Variants in APEX2 observed in about 807,000 individuals in gnomAD.
APEX2 encodes apurinic/apyrimidinic endodeoxyribonuclease 2.
A neutral mutation model predicts 16.7 loss-of-function variants in APEX2; 4 were observed. The ratio of observed to expected loss-of-function variants is 0.24; its 90% CI spans 0.12 to 0.55. APEX2 has a LOEUF of 0.55. Among genes scored for constraint, APEX2 ranks in the 20% least tolerant of loss-of-function variants. APEX2 has a pLI of 0.94. For synonymous variants in APEX2, 181 were observed against 166.9 expected, an observed-to-expected ratio of 1.08 and a Z score of -0.65; for missense variants, 357 against 433.6, an observed-to-expected ratio of 0.82 and a Z score of 1.57.
At chrX:55,005,226 G>T (rs182710774) in intron 5 of APEX2, among the ~76,000 whole-genome samples, 1 of 111,918 alleles carries the variant, frequency 8.9e-6, no homozygotes, top group Non-Finnish European at 1.9e-5. Flanking sequence ...GTCCCTCCCT[G>T]CCTCATTCCT....
intron 1 of APEX2, among the ~76,000 whole-genome samples, chrX:55,001,306 C>A (rs913053073): frequency 1.8e-5 from 2 of 110,499 alleles, no homozygotes; most frequent in African/African-American, 3.3e-5. Flanking sequence ...CCTAATTCTC[C>A]ACCTCCACTT....
rs1455493187 is a variant in APEX2, at chrX:55,008,097, CAG to C, written c.*665_*666del. On this transcript the variant is annotated 3_prime_UTR_variant, in exon 6 of 6. Transcript: ENST00000374987. Reference sequence around the variant, plus strand: ...GTTGAAAGAAACGGTCCTCAGCCCTCAGAGTTGCCAGGCAGGGCCTGGGACCA... The same window carrying C: ...GTTGAAAGAAACGGTCCTCAGCCCTCAGTTGCCAGGCAGGGCCTGGGACCA... The C allele has an allele frequency of 8.9e-6, 1 of 112,831 alleles. No homozygotes were observed. Among genetic ancestry groups the C allele is most frequent in the Admixed American group, 9.3e-5 (1 of 10,750 alleles). 9.3% of individuals were successfully genotyped at this position (112,831 alleles called of 1,213,427 possible).
intron 1 of APEX2, among the ~76,000 whole-genome samples, chrX:55,001,321 GTC>G (rs751274837): frequency 9.1e-6 from 1 of 110,170 alleles, no homozygotes; most frequent in Non-Finnish European, 1.9e-5. Context: ...CCACTTCATA[GTC>G]TCTAACCGCC....
chrX:55,001,018 A>G (rs1223373530), intron 1 of APEX2, among the ~76,000 whole-genome samples: 1 of 107,376 alleles, frequency 9.3e-6, no homozygotes, highest in Admixed American at 1.0e-4. Context: ...AGTACCCCTT[A>G]TCTATTCCCA....
chrX:55,006,413 C>A (rs1935498181), intron 5 of APEX2, 105 bp from the exon 6 acceptor site: 1 of 705,539 alleles, frequency 1.4e-6, no homozygotes, highest in African/African-American at 2.2e-5. Context: ...TTGGGACAAC[C>A]AAATTTTCTT....
intron 5 of APEX2, among the ~76,000 whole-genome samples, chrX:55,005,864 C>T: frequency 9.0e-6 from 1 of 110,965 alleles, no homozygotes; most frequent in Non-Finnish European, 1.9e-5. Context: ...AAGGAAGCCT[C>T]CTTGGTCCCC....
At position 55,007,498 on chromosome X, in the gene APEX2, C is replaced by T. The variant is rs915152114; in HGVS notation, c.*63C>T. 6 of 1,062,570 alleles carry T rather than the reference C, an allele frequency of 5.6e-6. No individual in the cohort carries two copies. The highest frequency in any genetic ancestry group is 7.4e-6 in the Non-Finnish European group (6 of 810,037). 87.6% of individuals were successfully genotyped at this position (1,062,570 alleles called of 1,213,427 possible). ...CTGCACATGATCTGAGGCCAGCTCC[C>T]CTTCCCTGAGCTGCCTCCTGCTTCT... On this transcript the variant is annotated 3_prime_UTR_variant, in exon 6 of 6. Transcript: ENST00000374987.
chrX:55,002,455 A>G (rs779561452), intron 3 of APEX2, 24 bp downstream of exon 3: 27 of 1,154,261 alleles, frequency 2.3e-5, no homozygotes, highest in Non-Finnish European at 3.1e-5. Context: ...TCTCCCTGCT[A>G]CTGAGCACTG....
At chrX:55,001,715 A>G in intron 2 of APEX2, 86 bp downstream of exon 2, 1 of 728,452 alleles carries the variant, frequency 1.4e-6, no homozygotes. Flanking sequence ...GAGGGTAATA[A>G]GAAATCTTAG....
At position 55,007,101 on chromosome X, in the gene APEX2, C is replaced by G; in HGVS notation, c.1223C>G (p.Pro408Arg). ...TCCCCTAGCTGTCCCCAAGCCTCTC[C>G]TGACATAGAGCTGCCTAGCCTACCA... Reference protein sequence around the residue: ...QPSPSCPQASPDIELPSLPLM... With the variant: ...QPSPSCPQASRDIELPSLPLM... Residue 408 changes from proline to arginine, a missense_variant, in exon 6 of 6, where the codon CCT becomes CGT. Coordinates refer to ENST00000374987, the MANE Select transcript of APEX2 (RefSeq NM_014481.4). 8.3e-7 allele frequency: 1 copy of G among 1,211,962 alleles called. No individual in the cohort carries two copies. The highest frequency in any genetic ancestry group is 1.1e-6 in the Non-Finnish European group (1 of 895,550).
At chrX:55,006,476 TTC>T in intron 5 of APEX2, 40 bp from the exon 6 acceptor site, 1 of 1,041,280 alleles carries the variant, frequency 9.6e-7, no homozygotes, top group Admixed American at 3.8e-5. Context: ...AGGTATCTAG[TTC>T]TGTCTCTCTC....
chrX:55,002,466 C>T, intron 3 of APEX2, 35 bp downstream of exon 3: 1 of 1,126,444 alleles, frequency 8.9e-7, no homozygotes, highest in African/African-American at 1.8e-5. Context: ...CTGAGCACTG[C>T]TGGTGCTACT....
Position 55,006,648 on chromosome X carries a change from C to T in APEX2, c.770C>T (p.Ala257Val). 3 of 1,162,323 alleles carry T rather than the reference C, an allele frequency of 2.6e-6. No homozygotes were observed. The highest frequency in any genetic ancestry group is 3.5e-6 in the Non-Finnish European group (3 of 869,249). The change falls in exon 6 of 6, where the codon GCC becomes GTC. Residue 257 changes from alanine (A) to valine (V), a missense_variant. Transcript: ENST00000374987. ...TGCTTCCAACCAAAGCAGGAGGGGG[C>T]CTTCACCTGCTGGTCAGCAGTCACT... ...YRCFQPKQEGAFTCWSAVTGA... is the reference protein window; with the variant it reads ...YRCFQPKQEGVFTCWSAVTGA...
At position 55,006,824 on chromosome X, in the gene APEX2, G is replaced by C; in HGVS notation, c.946G>C (p.Val316Leu). 8.3e-7 allele frequency: 1 copy of C among 1,211,752 alleles called. No individual in the cohort carries two copies. Among genetic ancestry groups the C allele is most frequent in the Non-Finnish European group, 1.1e-6 (1 of 895,488 alleles). Residue 316 changes from valine (V) to leucine (L), a missense_variant, in exon 6 of 6, where the codon GTG becomes CTG. Transcript: ENST00000374987. ...GGGTGCAGTCTTGAGTGTGTCCTCT[G>C]TGCCTGCAAAACAGTGCCCACCTCT... ...PVGAVLSVSSVPAKQCPPLCT... is the reference protein window; with the variant it reads ...PVGAVLSVSSLPAKQCPPLCT...
chrX:55,002,546 C>A, intron 3 of APEX2, 115 bp downstream of exon 3: 1 of 934,372 alleles, frequency 1.1e-6, no homozygotes, highest in Non-Finnish European at 1.4e-6. Flanking sequence ...CCCAAATTTG[C>A]CTTTCCTGGT....
In APEX2 at chrX:55,001,531, A is replaced by AT. The variant is rs375803683; in HGVS notation, c.158-5dup. Reference sequence around the variant, plus strand: ...AGTTTTACCTCTGACTTAATCTTACATTTTTTTTTTCCAGGGGATGCACTG... The same window carrying AT: ...AGTTTTACCTCTGACTTAATCTTACATTTTTTTTTTTCCAGGGGATGCACTG... On this transcript the variant is annotated splice_polypyrimidine_tract_variant and intron_variant, in intron 1 of 5. Coordinates refer to ENST00000374987, the MANE Select transcript of APEX2 (RefSeq NM_014481.4). The AT allele has an allele frequency of 4.0e-3, 3,997 of 990,320 alleles. 1 individual carries two copies. Among genetic ancestry groups the AT allele is most frequent in the Admixed American group, 7.0e-3 (255 of 36,431 alleles). The allele number at this position is 990,320 out of a possible 1,213,427, so 81.6% of individuals were successfully genotyped here.
chrX:55,006,153 A>G (rs922482429), intron 5 of APEX2, among the ~76,000 whole-genome samples: 2 of 107,848 alleles, frequency 1.9e-5, no homozygotes, highest in Non-Finnish European at 3.8e-5. Flanking sequence ...AGTCTTCCTA[A>G]CTCTTAACCC....
intron 1 of APEX2, 26 bp from the exon 2 acceptor site, chrX:55,001,520 C>G: frequency 8.7e-7 from 1 of 1,150,970 alleles, no homozygotes; most frequent in Non-Finnish European, 1.2e-6. Context: ...TTACCTCTGA[C>G]TTAATCTTAC....
intron 1 of APEX2, 83 bp downstream of exon 1, chrX:55,000,662 C>T: frequency 9.5e-7 from 1 of 1,051,443 alleles, no homozygotes; most frequent in Non-Finnish European, 1.3e-6. Context: ...ATTTTACTTT[C>T]CCAGTTTCCT....
Sources: gnomAD v4.1 joint callset for allele counts (sites outside exome capture counted in the v4.1 genomes callset) on GRCh38, gnomAD v4.1.1 for gene constraint, MANE v1.5 for transcripts, NCBI Gene and HGNC (gene_info 2026-07-23, HGNC 2026-07-21) for gene names.